DYM: variants seen among roughly 807,000 people sequenced by gnomAD.
The protein encoded by DYM is dymeclin.
A neutral mutation model predicts 93.1 loss-of-function variants in DYM; 78 were observed. That is an observed-to-expected ratio of 0.84 (90% CI 0.70 to 1.01). The LOEUF (loss-of-function observed/expected upper bound fraction) is 1.01. Ranked by LOEUF, DYM falls within the 50% of genes least tolerant of loss-of-function variation. The probability of loss-of-function intolerance (pLI) is 0.00; values close to 1 mark genes in which losing one functional copy is unlikely to be tolerated. For missense variants in DYM, 789 were observed against 845.0 expected, an observed-to-expected ratio of 0.93 and a Z score of 0.82; for synonymous variants, 321 against 319.7, an observed-to-expected ratio of 1.00 and a Z score of -0.04.
intron 17 of DYM, among the ~76,000 whole-genome samples, chr18:49,081,502 G>A (rs1360933963): frequency 6.9e-6 from 1 of 144,714 alleles, no homozygotes; most frequent in African/African-American, 2.6e-5. Context: ...TGGAAAGAGA[G>A]GGAGAGGGAG....
intron 15 of DYM, among the ~76,000 whole-genome samples, chr18:49,143,777 T>C (rs1347741956): frequency 6.6e-6 from 1 of 152,082 alleles, no homozygotes; most frequent in African/African-American, 2.4e-5. Flanking sequence ...TTCAAATATA[T>C]ACAAAGACAG....
intron 14 of DYM, among the ~76,000 whole-genome samples, chr18:49,165,687 G>A (rs1046874167): frequency 6.6e-6 from 1 of 152,156 alleles, no homozygotes; most frequent in African/African-American, 2.4e-5. Context: ...CTTAAATAAA[G>A]TGGGAAGAAA....
chr18:49,194,479 A>G (rs1430001139), intron 14 of DYM, among the ~76,000 whole-genome samples: 2 of 152,186 alleles, frequency 1.3e-5, no homozygotes, highest in Non-Finnish European at 2.9e-5. Flanking sequence ...GTTCTTTCCT[A>G]AGGTCCTATT....
intron 17 of DYM, among the ~76,000 whole-genome samples, chr18:49,067,415 G>A (rs1231874125): frequency 9.3e-5 from 14 of 150,082 alleles, no homozygotes; most frequent in African/African-American, 1.7e-4. Flanking sequence ...TGAGTGTTAT[G>A]GAGGTTCAGT....
At chr18:49,292,629 C>CAAAA (rs200015717) in intron 8 of DYM, among the ~76,000 whole-genome samples, 1 of 119,662 alleles carries the variant, frequency 8.4e-6, no homozygotes, top group African/African-American at 2.9e-5. Flanking sequence ...AAAAAAACCC[C>CAAAA]CACAAAAACC....
chr18:49,380,625 C>T (rs1307511693), intron 3 of DYM, among the ~76,000 whole-genome samples: 2 of 152,202 alleles, frequency 1.3e-5, no homozygotes, highest in African/African-American at 4.8e-5. Flanking sequence ...GAAGCAACCT[C>T]TATAATCAAG....
chr18:49,453,527 A>AT (rs1267366259), intron 1 of DYM, among the ~76,000 whole-genome samples: 1 of 152,170 alleles, frequency 6.6e-6, no homozygotes, highest in African/African-American at 2.4e-5. Context: ...ACATCCGAAA[A>AT]TCAGAAGGAA....
At chr18:49,362,633 A>T (rs1372838578) in intron 6 of DYM, among the ~76,000 whole-genome samples, 1 of 152,184 alleles carries the variant, frequency 6.6e-6, no homozygotes, top group East Asian at 1.9e-4. Context: ...TTAAGATCAA[A>T]AAGATGTGCC....
At position 49,163,696 on chromosome 18, in the gene DYM, G is replaced by A. The variant is rs145279594; in HGVS notation, c.1717C>T (p.Leu573=). ...RGSLSSNDVP[L]PDYAQDLNVI... ...AGGTAACTACTTACATAATCTGGTA[G>A]AGGAACATCATTAGAACTCAGCGAA... The change falls in exon 15 of 18, where the codon CTA becomes TTA. Residue 573 remains leucine, a synonymous_variant. Transcript: ENST00000675505. 3,000 of 1,610,362 alleles carry A rather than the reference G, an allele frequency of 1.9e-3. 6 individuals are homozygous for A. Among genetic ancestry groups the A allele is most frequent in the Middle Eastern group, 2.5e-3 (15 of 6,054 alleles).
chr18:49,321,449 AAGTGGT>A (rs2062474838), intron 8 of DYM: 2 of 397,726 alleles, frequency 5.0e-6, no homozygotes, highest in Non-Finnish European at 8.9e-6. Flanking sequence ...ACTGGTTTAA[AAGTGGT>A]TGTCAGCAAA....
chr18:49,049,166 T>C (rs2072047916), intron 17 of DYM, among the ~76,000 whole-genome samples: 1 of 152,246 alleles, frequency 6.6e-6, no homozygotes, highest in South Asian at 2.1e-4. Context: ...TCTGAGATTA[T>C]ACCTAGCATT....
intron 2 of DYM, among the ~76,000 whole-genome samples, chr18:49,408,109 T>C (rs2071740802): frequency 6.6e-6 from 1 of 151,750 alleles, no homozygotes; most frequent in Admixed American, 6.6e-5. Flanking sequence ...ACAAACATAT[T>C]AAAAATTTAA....
At chr18:49,183,721 G>GA (rs1350256091) in intron 14 of DYM, among the ~76,000 whole-genome samples, 2 of 152,048 alleles carry the variant, frequency 1.3e-5, no homozygotes, top group Non-Finnish European at 2.9e-5. Context: ...AATAATTTGG[G>GA]ATGCACAGTG....
chr18:49,406,972 A>T (rs1373815195), intron 2 of DYM, among the ~76,000 whole-genome samples: 1 of 152,228 alleles, frequency 6.6e-6, no homozygotes, highest in Non-Finnish European at 1.5e-5. Flanking sequence ...CTGTCTAAAC[A>T]AACTATGGCA....
At chr18:49,141,252 C>A (rs1361969618) in intron 15 of DYM, among the ~76,000 whole-genome samples, 1 of 152,182 alleles carries the variant, frequency 6.6e-6, no homozygotes, top group Non-Finnish European at 1.5e-5. Context: ...ATGTTGACAA[C>A]TGGACTCCCA....
intron 16 of DYM, among the ~76,000 whole-genome samples, chr18:49,116,673 T>TC (rs538902326): frequency 4.9e-4 from 75 of 152,330 alleles, no homozygotes; most frequent in African/African-American, 1.8e-3. Flanking sequence ...GAGATACCCC[T>TC]CAGCCCCCAT....
intron 16 of DYM, among the ~76,000 whole-genome samples, chr18:49,113,960 A>G (rs978356194): frequency 6.6e-6 from 1 of 152,180 alleles, no homozygotes; most frequent in Non-Finnish European, 1.5e-5. Flanking sequence ...GATTTAATAG[A>G]ATGAGAACCT....
intron 17 of DYM, among the ~76,000 whole-genome samples, chr18:49,077,422 G>C (rs959047346): frequency 6.6e-6 from 1 of 152,158 alleles, no homozygotes; most frequent in Non-Finnish European, 1.5e-5. Context: ...GATTTATCTT[G>C]GTAAGGGTGT....
intron 10 of DYM, among the ~76,000 whole-genome samples, chr18:49,279,346 G>A (rs1000275776): frequency 6.6e-6 from 1 of 152,166 alleles, no homozygotes; most frequent in Admixed American, 6.6e-5. Flanking sequence ...CCTTCTTAAT[G>A]TCAAAGACTG....
Sources: allele counts gnomAD v4.1 joint callset (sites outside exome capture counted in the v4.1 genomes callset), GRCh38; gene constraint gnomAD v4.1.1; transcripts MANE v1.5; gene names NCBI Gene and HGNC (gene_info 2026-07-23, HGNC 2026-07-21).